The following CPT1A variants were observed in gnomAD, a reference collection of about 807,000 sequenced individuals.
CPT1A encodes the protein carnitine O-palmitoyltransferase 1, liver isoform.
In CPT1A, 64 loss-of-function variants were observed where a neutral mutation model predicts 100.8. That is an observed-to-expected ratio of 0.63 (90% confidence interval 0.52 to 0.78). The LOEUF is 0.78. CPT1A is among the 30% of genes least tolerant of loss of function. CPT1A has a pLI of 0.00. For synonymous variants in CPT1A, 363 were observed against 396.0 expected (o/e 0.92, Z 0.99); for missense variants, 802 against 1,034.1 (o/e 0.78, Z 3.08).
chr11:68,815,803 A>C (rs1318395238), intron 1 of CPT1A, among the ~76,000 whole-genome samples: 5 of 140,014 alleles, frequency 3.6e-5, no homozygotes, highest in African/African-American at 1.4e-4. Context: ...GTGGTACCTC[A>C]ACTCTGGCCC....
At chr11:68,824,148 T>C (rs1467627489) in intron 1 of CPT1A, among the ~76,000 whole-genome samples, 1 of 147,108 alleles carries the variant, frequency 6.8e-6, no homozygotes, top group Non-Finnish European at 1.5e-5. Context: ...CTTGGGAGGC[T>C]GAAGCAGGAG....
chr11:68,837,427 C>A (rs143646656), intron 1 of CPT1A, among the ~76,000 whole-genome samples: 39 of 152,296 alleles, frequency 2.6e-4, no homozygotes, highest in African/African-American at 9.1e-4. Flanking sequence ...GACCACAGGA[C>A]CCCCTGAGTG....
intron 8 of CPT1A, among the ~76,000 whole-genome samples, chr11:68,794,082 A>G (rs1158536793): frequency 6.6e-6 from 1 of 152,202 alleles, no homozygotes; most frequent in Non-Finnish European, 1.5e-5. Context: ...AGATTACAGA[A>G]TTAAAGTACA....
intron 11 of CPT1A, among the ~76,000 whole-genome samples, chr11:68,781,248 G>A (rs896274938): frequency 1.3e-5 from 2 of 152,166 alleles, no homozygotes; most frequent in Non-Finnish European, 2.9e-5. Context: ...AAACAAAGGT[G>A]GTCATGCACA....
At chr11:68,843,131 A>G (rs139865510), upstream of CPT1A, among the ~76,000 whole-genome samples, 21 of 151,830 alleles carry the variant, frequency 1.4e-4, no homozygotes, top group African/African-American at 5.1e-4. This position sits in a 1 kb window ranked among gnomAD's most constrained non-coding sequence, Gnocchi z 4.0. Flanking sequence ...CCCGCCCCCC[A>G]CCACCGCTGC....
At chr11:68,774,829 G>A (rs1855101600) in intron 13 of CPT1A, among the ~76,000 whole-genome samples, 1 of 151,434 alleles carries the variant, frequency 6.6e-6, no homozygotes, top group Non-Finnish European at 1.5e-5. Context: ...TGGACTCCAG[G>A]GAATTTCTCC....
chr11:68,816,484 C>T (rs1280521218), intron 1 of CPT1A, among the ~76,000 whole-genome samples: 1 of 152,160 alleles, frequency 6.6e-6, no homozygotes, highest in Non-Finnish European at 1.5e-5. Context: ...ATCCCCTGGC[C>T]GGCTGCAGAA....
chr11:68,798,082 G>A (rs1015291219), intron 6 of CPT1A, among the ~76,000 whole-genome samples: 42 of 152,210 alleles, frequency 2.8e-4, no homozygotes, highest in African/African-American at 9.4e-4. Context: ...GTCCCAGTCC[G>A]TGGCACTAAC....
chr11:68,784,772 T>TCCA, intron 10 of CPT1A, 43 bp downstream of exon 10: 1 of 1,586,046 alleles, frequency 6.3e-7, no homozygotes, highest in Non-Finnish European at 8.6e-7. Flanking sequence ...GAAGAGCGCC[T>TCCA]CCACCACCCC....
intron 1 of CPT1A, among the ~76,000 whole-genome samples, chr11:68,823,257 A>C (rs904592547): frequency 6.6e-6 from 1 of 152,058 alleles, no homozygotes; most frequent in Non-Finnish European, 1.5e-5. Context: ...CTCAAAAAAA[A>C]CCCAAACTCA....
rs544413018 is a variant in CPT1A, at chr11:68,794,198, A to T, written c.879+606T>A. On this transcript the variant is annotated intron_variant, in intron 8 of 18. Transcript: ENST00000265641. The stretch of plus-strand genomic sequence containing the variant: ...GAAAAAAAGAGTGCATACTGTTATG[A>T]TTCCACTTACACAAAGCTTTAAAAA... 5.3e-5 allele frequency among the ~76,000 whole-genome samples: 8 copies of T among 152,300 alleles called. 1 individual carries two copies. In the South Asian group the frequency reaches 1.7e-3, roughly 32 times the overall value.
intron 3 of CPT1A, among the ~76,000 whole-genome samples, chr11:68,808,795 T>C (rs1301777452): frequency 6.6e-6 from 1 of 151,812 alleles, no homozygotes; most frequent in Non-Finnish European, 1.5e-5. Flanking sequence ...AACCTAAAGG[T>C]GTCCCTAATA....
intron 1 of CPT1A, among the ~76,000 whole-genome samples, chr11:68,834,452 A>G (rs1203509804): frequency 6.6e-6 from 1 of 151,814 alleles, no homozygotes; most frequent in African/African-American, 2.4e-5. Flanking sequence ...TAAAAATAAT[A>G]AAATAAAAGG....
intron 8 of CPT1A, among the ~76,000 whole-genome samples, chr11:68,794,111 A>G (rs1182998941): frequency 1.3e-5 from 2 of 152,246 alleles, no homozygotes; most frequent in African/African-American, 2.4e-5. Context: ...ATATTCATTT[A>G]GGAGACACAA....
chr11:68,837,141 C>T (rs1223361298), intron 1 of CPT1A, among the ~76,000 whole-genome samples: 4 of 152,170 alleles, frequency 2.6e-5, no homozygotes, highest in Non-Finnish European at 5.9e-5. Context: ...CCTCCAACTC[C>T]TGGGTTCAAG....
chr11:68,775,213 G>A, intron 13 of CPT1A, 103 bp downstream of exon 13: 1 of 964,802 alleles, frequency 1.0e-6, no homozygotes, highest in South Asian at 1.4e-5. Flanking sequence ...CTTCAACTGA[G>A]CTCATGATAG....
At chr11:68,824,995 C>T (rs1181151760) in intron 1 of CPT1A, among the ~76,000 whole-genome samples, 1 of 152,100 alleles carries the variant, frequency 6.6e-6, no homozygotes, top group African/African-American at 2.4e-5. Flanking sequence ...GCCCAGATTA[C>T]ACCGTGTTGG....
intron 13 of CPT1A, among the ~76,000 whole-genome samples, chr11:68,774,857 G>A (rs919859815): frequency 2.6e-5 from 4 of 151,390 alleles, no homozygotes; most frequent in Non-Finnish European, 5.9e-5. Context: ...AAGTGAACTA[G>A]GATTTGGTAT....
At chr11:68,809,616 C>G (rs534359200) in intron 3 of CPT1A, among the ~76,000 whole-genome samples, 1 of 152,084 alleles carries the variant, frequency 6.6e-6, no homozygotes, top group Non-Finnish European at 1.5e-5. Context: ...TACAGGCCAC[C>G]GCACCCAGCC....
Sources: allele counts gnomAD v4.1 joint callset (sites outside exome capture counted in the v4.1 genomes callset), GRCh38; gene constraint gnomAD v4.1.1; non-coding constraint Gnocchi (gnomAD v3.1); transcripts MANE v1.5; gene names NCBI Gene and HGNC (gene_info 2026-07-23, HGNC 2026-07-21).